The following DLC1 variants were observed in gnomAD, a reference collection of about 807,000 sequenced individuals.
DLC1 encodes rho GTPase-activating protein 7.
In DLC1, 54 loss-of-function variants were observed where a neutral mutation model predicts 140.3. The observed-to-expected ratio is 0.38, with a 90% CI of 0.31 to 0.48. DLC1 has a LOEUF of 0.48. DLC1 is among the 20% of genes least tolerant of loss of function. DLC1 has a pLI of 0.96. For missense variants in DLC1, 2,536 were observed against 1,907.0 expected (o/e 1.33, Z -6.14); for synonymous variants, 986 against 728.1 (o/e 1.35, Z -5.70).
intron 5 of DLC1, among the ~76,000 whole-genome samples, chr8:13,143,374 C>G (rs1823161746): frequency 6.6e-6 from 1 of 152,170 alleles, no homozygotes; most frequent in Non-Finnish European, 1.5e-5. Flanking sequence ...CCAGGTGATG[C>G]TTTTTGACTT....
Position 13,090,286 on chromosome 8 carries a change from G to C in DLC1, c.4040C>G (p.Ser1347Cys), listed in dbSNP as rs749179447. The stretch of plus-strand genomic sequence containing the variant: ...GGACAGCTCAGCCTGCTCCGAAGTG[G>C]AGTAGCTGACCCAGCCTTTAAACTT... ...KEKFKGWVSY[S>C]TSEQAELSYK... Residue 1347 changes from serine (S) to cysteine (C), a missense_variant, in exon 15 of 18, where the codon TCC becomes TGC. Transcript: ENST00000276297. The C allele has an allele frequency of 1.2e-6, 2 of 1,614,128 alleles. No individual in the cohort carries two copies. Among genetic ancestry groups the C allele is most frequent in the Non-Finnish European group, 1.7e-6 (2 of 1,180,016 alleles).
At chr8:13,528,272 A>G (rs1427704742) in intron 1 of DLC1, among the ~76,000 whole-genome samples, 1 of 152,148 alleles carries the variant, frequency 6.6e-6, no homozygotes, top group Non-Finnish European at 1.5e-5. Context: ...GGATAAAACA[A>G]TACACCAACA....
At chr8:13,508,912 C>G (rs537161086) in intron 1 of DLC1, among the ~76,000 whole-genome samples, 2 of 152,146 alleles carry the variant, frequency 1.3e-5, no homozygotes, top group Non-Finnish European at 2.9e-5. Context: ...CATAATATCT[C>G]TTTTCTGTAG....
rs371024742 is a variant in DLC1, at chr8:13,291,803, A to G, written c.1348+13466T>C. 2.6e-5 allele frequency among the ~76,000 whole-genome samples: 4 copies of G among 152,308 alleles called. No homozygotes were observed. In the East Asian group the frequency reaches 7.7e-4, roughly 29 times the overall value. On this transcript the variant is annotated intron_variant, in intron 5 of 17. Transcript: ENST00000276297. The stretch of plus-strand genomic sequence containing the variant: ...CCCCTAAGGGTTAAATAATTTCACT[A>G]AAGAAAACAAAAGCAAGGTAAGCTG...
At chr8:13,398,668 T>C (rs1007448521) in intron 3 of DLC1, among the ~76,000 whole-genome samples, 2 of 150,882 alleles carry the variant, frequency 1.3e-5, no homozygotes, top group African/African-American at 4.9e-5. Context: ...CCAACTATAC[T>C]TGCTAAAGAG....
intron 4 of DLC1, among the ~76,000 whole-genome samples, chr8:13,367,628 C>T (rs576148644): frequency 2.0e-5 from 3 of 152,158 alleles, no homozygotes; most frequent in Non-Finnish European, 4.4e-5. Flanking sequence ...CTGAATCTTT[C>T]CTGTATCCTT....
At chr8:13,096,297 T>C (rs1818494133) in intron 10 of DLC1, among the ~76,000 whole-genome samples, 2 of 152,226 alleles carry the variant, frequency 1.3e-5, no homozygotes, top group African/African-American at 4.8e-5. Context: ...CACTCCGAAA[T>C]GAGAATCTAA....
intron 5 of DLC1, among the ~76,000 whole-genome samples, chr8:13,282,329 A>G (rs1288776952): frequency 6.6e-6 from 1 of 152,154 alleles, no homozygotes; most frequent in Middle Eastern, 3.2e-3. Context: ...TATTTAGCAG[A>G]GAGGTAGGAA....
At chr8:13,191,205 A>G (rs772808364) in intron 5 of DLC1, among the ~76,000 whole-genome samples, 1 of 152,306 alleles carries the variant, frequency 6.6e-6, no homozygotes, top group African/African-American at 2.4e-5. Flanking sequence ...GTTTGCTTAC[A>G]TTGCTATTAA....
chr8:13,508,922 G>C (rs1177263213), intron 1 of DLC1, among the ~76,000 whole-genome samples: 1 of 152,022 alleles, frequency 6.6e-6, no homozygotes, highest in Non-Finnish European at 1.5e-5. Flanking sequence ...CTTTTCTGTA[G>C]AACCTCTTAC....
chr8:13,250,486 T>C (rs1829954683), intron 5 of DLC1, among the ~76,000 whole-genome samples: 1 of 152,216 alleles, frequency 6.6e-6, no homozygotes, highest in African/African-American at 2.4e-5. Context: ...ATTATTGTTA[T>C]GGTAATTCTG....
chr8:13,449,568 G>A (rs537843290), intron 2 of DLC1, among the ~76,000 whole-genome samples: 159 of 151,522 alleles, frequency 1.0e-3, no homozygotes, highest in Non-Finnish European at 2.0e-3. Flanking sequence ...ACTATCGCAA[G>A]GACAAAAAAC....
rs1246764417 is a variant in DLC1, at chr8:13,506,581, G to GTGTGTGTATATATA, written c.-125-6386_-125-6385insTATATATACACACA. Among the ~76,000 whole-genome samples, 17 of 131,134 alleles carry GTGTGTGTATATATA rather than the reference G, an allele frequency of 1.3e-4. No individual in the cohort carries two copies. In the South Asian group the frequency reaches 1.5e-3, roughly 12 times the overall value. 86.0% of individuals were successfully genotyped at this position (131,134 alleles called of 152,430 possible). A position where few individuals can be genotyped will look rare whatever the true frequency, so the allele number is the denominator to read the frequency against. On this transcript the variant is annotated intron_variant, in intron 1 of 17. Transcript: ENST00000276297. Reference sequence around the variant, plus strand: ...CACACACACACATGTGTGTGTGTGTGTATATATATATATATATATATATAT... The same window carrying GTGTGTGTATATATA: ...CACACACACACATGTGTGTGTGTGTGTGTGTGTATATATATATATATATATATATATATATATAT...
chr8:13,466,153 C>T (rs939029242), intron 2 of DLC1, among the ~76,000 whole-genome samples: 1 of 152,148 alleles, frequency 6.6e-6, no homozygotes, highest in African/African-American at 2.4e-5. Context: ...CTAAACCTAC[C>T]AGTTAGAACC....
chr8:13,313,079 A>T (rs1163475462), intron 4 of DLC1, among the ~76,000 whole-genome samples: 1 of 152,200 alleles, frequency 6.6e-6, no homozygotes, highest in African/African-American at 2.4e-5. Flanking sequence ...TCCTTCTCAC[A>T]GGATTTCCTG....
intron 5 of DLC1, chr8:13,276,373 C>A: frequency 6.6e-7 from 1 of 1,519,770 alleles, no homozygotes. Context: ...AGGGGGCGCG[C>A]CATCACGTGG....
intron 1 of DLC1, among the ~76,000 whole-genome samples, chr8:13,581,822 T>C (rs1449397892): frequency 6.6e-6 from 1 of 152,222 alleles, no homozygotes; most frequent in East Asian, 1.9e-4. Context: ...TCTCCCTCGC[T>C]TCTCCTCACT....
At chr8:13,438,053 A>C (rs1202462538) in intron 2 of DLC1, among the ~76,000 whole-genome samples, 1 of 150,416 alleles carries the variant, frequency 6.6e-6, no homozygotes, top group African/African-American at 2.4e-5. Context: ...CCATACTATC[A>C]GTTATATAAA....
chr8:13,185,212 A>G (rs960934309), intron 5 of DLC1, among the ~76,000 whole-genome samples: 3 of 139,558 alleles, frequency 2.1e-5, no homozygotes, highest in African/African-American at 8.1e-5. Flanking sequence ...TGCATGCGAG[A>G]TGGGTCTCCT....
Sources: gnomAD v4.1 joint callset for allele counts (sites outside exome capture counted in the v4.1 genomes callset) on GRCh38, gnomAD v4.1.1 for gene constraint, MANE v1.5 for transcripts, NCBI Gene and HGNC (gene_info 2026-07-23, HGNC 2026-07-21) for gene names.